The following PDE4B variants were observed in gnomAD, a reference collection of about 807,000 sequenced individuals.
The protein encoded by PDE4B is 3',5'-cyclic-AMP phosphodiesterase 4B.
Under a neutral mutation model 82.2 loss-of-function variants are expected in PDE4B, and 20 were observed. The ratio of observed to expected loss-of-function variants is 0.24; its 90% CI spans 0.17 to 0.35. PDE4B has a LOEUF of 0.35. Among genes scored for constraint, PDE4B ranks in the 10% least tolerant of loss-of-function variants. PDE4B has a pLI of 1.00. For missense variants in PDE4B, 655 were observed against 907.2 expected, an observed-to-expected ratio of 0.72 and a Z score of 3.57; for synonymous variants, 320 against 318.9, an observed-to-expected ratio of 1.00 and a Z score of -0.04.
At chr1:66,364,714 T>A (rs909625811) in intron 12 of PDE4B, among the ~76,000 whole-genome samples, 1 of 152,214 alleles carries the variant, frequency 6.6e-6, no homozygotes, top group East Asian at 1.9e-4. Context: ...GAAAGAGTAC[T>A]GTTTTTATAC....
chr1:66,153,705 T>C (rs1646447906), intron 3 of PDE4B, among the ~76,000 whole-genome samples: 1 of 152,190 alleles, frequency 6.6e-6, no homozygotes, highest in African/African-American at 2.4e-5. Flanking sequence ...AAGAACTCAT[T>C]GAACTGAATT....
chr1:65,807,939 CTTTTTGT>C (rs1344003893), intron 1 of PDE4B, among the ~76,000 whole-genome samples: 3 of 152,220 alleles, frequency 2.0e-5, no homozygotes, highest in Non-Finnish European at 4.4e-5. Flanking sequence ...CATGGAGATC[CTTTTTGT>C]TACCTTCCCA....
intron 3 of PDE4B, among the ~76,000 whole-genome samples, chr1:65,946,501 A>T (rs1569780054): frequency 6.6e-6 from 1 of 152,116 alleles, no homozygotes; most frequent in Admixed American, 6.6e-5. Context: ...GCACATCACT[A>T]TCTTCAGCTG....
chr1:65,897,293 A>G (rs1646921833), intron 1 of PDE4B, among the ~76,000 whole-genome samples: 1 of 152,126 alleles, frequency 6.6e-6, no homozygotes, highest in Non-Finnish European at 1.5e-5. Context: ...CTTGCATAGA[A>G]TAAAGTTTAT....
chr1:66,252,205 C>T (rs943911775), intron 4 of PDE4B, among the ~76,000 whole-genome samples: 1 of 152,168 alleles, frequency 6.6e-6, no homozygotes, highest in Non-Finnish European at 1.5e-5. Context: ...GGATCAGGAG[C>T]ATTCTCTTAC....
intron 3 of PDE4B, among the ~76,000 whole-genome samples, chr1:65,988,429 T>C (rs954084123): frequency 1.4e-4 from 22 of 151,830 alleles, no homozygotes; most frequent in African/African-American, 5.3e-4. Flanking sequence ...CATACACTGC[T>C]GGAAGAGGTA....
intron 3 of PDE4B, among the ~76,000 whole-genome samples, chr1:66,122,549 A>G (rs1434240393): frequency 6.6e-6 from 1 of 152,190 alleles, no homozygotes; most frequent in African/African-American, 2.4e-5. Context: ...TTAATTTTAT[A>G]CATGTAACCG....
chr1:65,865,219 G>A (rs1646497537), intron 1 of PDE4B, among the ~76,000 whole-genome samples: 1 of 152,178 alleles, frequency 6.6e-6, no homozygotes, highest in Admixed American at 6.5e-5. Flanking sequence ...AATGGCGGAT[G>A]TCCTTCCCCA....
At chr1:66,147,165 C>T (rs1646291901) in intron 3 of PDE4B, among the ~76,000 whole-genome samples, 1 of 152,232 alleles carries the variant, frequency 6.6e-6, no homozygotes, top group South Asian at 2.1e-4. Flanking sequence ...TCAGAAAGCA[C>T]TTGCACATGA....
chr1:66,045,187 A>G (rs1009540989), intron 3 of PDE4B, among the ~76,000 whole-genome samples: 1 of 151,096 alleles, frequency 6.6e-6, no homozygotes, highest in Admixed American at 6.6e-5. Flanking sequence ...TTTTCTTAGT[A>G]TATGTGCTGC....
In PDE4B at chr1:66,372,773, G is replaced by A; in HGVS notation, c.*95G>A. 1 of 1,283,844 alleles carries A rather than the reference G, an allele frequency of 7.8e-7. No individual in the cohort carries two copies. The highest frequency in any genetic ancestry group is 1.1e-6 in the Non-Finnish European group (1 of 928,600). 79.5% of individuals were successfully genotyped at this position (1,283,844 alleles called of 1,614,324 possible). ...CACCATGGGGGCCAAGACCTGCACA[G>A]GACAAGGGCCACCTGGCCTTTCAGT... On this transcript the variant is annotated 3_prime_UTR_variant, in exon 17 of 17. Transcript: ENST00000341517.
intron 3 of PDE4B, among the ~76,000 whole-genome samples, chr1:65,993,748 A>G (rs574998933): frequency 2.0e-5 from 3 of 152,276 alleles, no homozygotes; most frequent in East Asian, 3.9e-4. Flanking sequence ...TGTTATCTTT[A>G]AGAGCTTCTT....
At chr1:65,860,172 A>G (rs545965881) in intron 1 of PDE4B, among the ~76,000 whole-genome samples, 7 of 152,262 alleles carry the variant, frequency 4.6e-5, no homozygotes, top group South Asian at 2.1e-4. Context: ...TGCATTAGCT[A>G]TTTGTCATAA....
chr1:66,288,066 C>T (rs1026892253), intron 7 of PDE4B, among the ~76,000 whole-genome samples: 8 of 152,094 alleles, frequency 5.3e-5, no homozygotes, highest in Middle Eastern at 3.4e-3. Context: ...AAAGAGGTTT[C>T]GTTGACTCAC....
intron 7 of PDE4B, among the ~76,000 whole-genome samples, chr1:66,311,062 CG>C (rs1658634188): frequency 6.6e-6 from 1 of 152,034 alleles, no homozygotes; most frequent in Non-Finnish European, 1.5e-5. Flanking sequence ...GGATCTTGAA[CG>C]GTGTTGTCTG....
At chr1:65,894,038 G>T (rs1646881409) in intron 1 of PDE4B, among the ~76,000 whole-genome samples, 1 of 151,958 alleles carries the variant, frequency 6.6e-6, no homozygotes, top group South Asian at 2.1e-4. Context: ...TACATATTGG[G>T]CACAGTGTAC....
chr1:66,280,568 CAAATTGG>C lies in PDE4B; in HGVS notation c.634+14487_634+14493del, dbSNP rs1337562500. On this transcript the variant is annotated intron_variant, in intron 7 of 16. Transcript: ENST00000341517. ...TATGAAACTTTATTCCCTGTAAAAA[CAAATTGG>C]AAATTTGAATGTGAATCCAATTTGC... 3.9e-5 allele frequency among the ~76,000 whole-genome samples: 6 copies of C among 152,196 alleles called. No individual in the cohort carries two copies. The East Asian group carries it at 7.7e-4, about 19-fold the overall frequency.
chr1:66,225,937 G>A (rs753765003), intron 3 of PDE4B, among the ~76,000 whole-genome samples: 2 of 152,136 alleles, frequency 1.3e-5, no homozygotes, highest in African/African-American at 4.8e-5. Flanking sequence ...TCTTCTGTTG[G>A]TGCAAACACT....
chr1:65,987,725 G>T (rs1651029115), intron 3 of PDE4B, among the ~76,000 whole-genome samples: 1 of 152,052 alleles, frequency 6.6e-6, no homozygotes, highest in Non-Finnish European at 1.5e-5. Context: ...TAATTCTCCT[G>T]CCTCAGCCTC....
Sources: gnomAD v4.1 joint callset for allele counts (sites outside exome capture counted in the v4.1 genomes callset) on GRCh38, gnomAD v4.1.1 for gene constraint, MANE v1.5 for transcripts, NCBI Gene and HGNC (gene_info 2026-07-23, HGNC 2026-07-21) for gene names.